SLC39A14: variants seen among roughly 807,000 people sequenced by gnomAD.
SLC39A14 encodes solute carrier family 39 member 14.
Under a neutral mutation model 45.5 loss-of-function variants are expected in SLC39A14, and 19 were observed. That is an observed-to-expected ratio of 0.42 (90% CI 0.29 to 0.61). The LOEUF (loss-of-function observed/expected upper bound fraction) is 0.61. Ranked by LOEUF, SLC39A14 falls within the 20% of genes least tolerant of loss-of-function variation. SLC39A14 has a pLI of 0.22. For missense variants in SLC39A14, 447 were observed against 616.5 expected (o/e 0.73, Z 2.91); for synonymous variants, 264 against 251.3 (o/e 1.05, Z -0.48).
chr8:22,423,445 C>T (rs1438758539), downstream of SLC39A14, among the ~76,000 whole-genome samples: 1 of 151,962 alleles, frequency 6.6e-6, no homozygotes, highest in Non-Finnish European at 1.5e-5. Context: ...ACGCCATTCT[C>T]CTGCTTCAGC....
intron 1 of SLC39A14, among the ~76,000 whole-genome samples, chr8:22,394,643 A>G (rs1228944725): frequency 6.6e-6 from 1 of 152,152 alleles, no homozygotes; most frequent in Admixed American, 6.5e-5. Flanking sequence ...TCTTATAGGA[A>G]GGGTTTTAAT....
At position 22,432,816 on chromosome 8, in the gene SLC39A14, TTG is replaced by T. The variant is rs1491056098; in HGVS notation, c.1333-1073_1333-1072del. Among the ~76,000 whole-genome samples the T allele has an allele frequency of 1.2e-3, 134 of 110,904 alleles. 6 individuals are homozygous for T. Among genetic ancestry groups the T allele is most frequent in the African/African-American group, 3.7e-3 (76 of 20,818 alleles). The allele number at this position is 110,904 out of a possible 152,430, so 72.8% of individuals were successfully genotyped here. On this transcript the variant is annotated intron_variant, in intron 8 of 8. Transcript: ENST00000240095. ...GCACCCGCCACAACACCCGGCTATT[TTG>T]TTTTTTTTTTTTTTTTGTAGAGATG...
At chr8:22,414,942 A>T (rs769368455) in intron 5 of SLC39A14, 40 bp downstream of exon 5, 29 of 1,603,268 alleles carry the variant, frequency 1.8e-5, no homozygotes, top group Admixed American at 3.5e-5. Context: ...CTTCTAGGGA[A>T]AACACCCATC....
chr8:22,403,424 C>T (rs944084630), intron 1 of SLC39A14, among the ~76,000 whole-genome samples: 31 of 151,706 alleles, frequency 2.0e-4, no homozygotes, highest in African/African-American at 6.3e-4. Flanking sequence ...GGATTACAGA[C>T]GTGCACCACC....
chr8:22,402,966 GTGTTTGTT>G (rs10676463), intron 1 of SLC39A14, among the ~76,000 whole-genome samples: 6 of 150,216 alleles, frequency 4.0e-5, no homozygotes, highest in African/African-American at 9.8e-5. Context: ...TTTAGTTATG[GTGTTTGTT>G]TGTTTGTTTG....
chr8:22,380,624 C>A (rs1416640080), intron 1 of SLC39A14, among the ~76,000 whole-genome samples: 1 of 152,002 alleles, frequency 6.6e-6, no homozygotes, highest in East Asian at 1.9e-4. Context: ...CCATCCCTCC[C>A]TGCAGCACCC....
chr8:22,431,747 A>G (rs1836470531), intron 8 of SLC39A14, among the ~76,000 whole-genome samples: 1 of 152,264 alleles, frequency 6.6e-6, no homozygotes, highest in Non-Finnish European at 1.5e-5. Flanking sequence ...GGGGGGATAC[A>G]AAATTCACCA....
At chr8:22,384,379 C>T (rs1387777478) in intron 1 of SLC39A14, among the ~76,000 whole-genome samples, 1 of 151,874 alleles carries the variant, frequency 6.6e-6, no homozygotes, top group Non-Finnish European at 1.5e-5. Flanking sequence ...GGGAGGCTGC[C>T]TGCCCGCCCG....
At chr8:22,415,606 A>G in intron 5 of SLC39A14, 163 bp from the exon 6 acceptor site, 1 of 642,178 alleles carries the variant, frequency 1.6e-6, no homozygotes, top group South Asian at 2.2e-5. Context: ...ATGGCTTTAT[A>G]TAATAGCTTT....
chr8:22,402,768 CAAA>C (rs754943496), intron 1 of SLC39A14, among the ~76,000 whole-genome samples: 2 of 82,672 alleles, frequency 2.4e-5, no homozygotes, highest in Admixed American at 1.3e-4. Context: ...GACTCCATTT[CAAA>C]AAAAAAAAAA....
chr8:22,431,866 C>T (rs1469697743), intron 8 of SLC39A14, among the ~76,000 whole-genome samples: 1 of 152,184 alleles, frequency 6.6e-6, no homozygotes, highest in Non-Finnish European at 1.5e-5. Flanking sequence ...AAGCAATGAA[C>T]TTAAACCTAA....
chr8:22,415,676 T>A (rs1215896404), intron 5 of SLC39A14, 93 bp from the exon 6 acceptor site: 4 of 1,188,452 alleles, frequency 3.4e-6, no homozygotes, highest in Non-Finnish European at 4.8e-6. Flanking sequence ...GCTGAGGTCT[T>A]CCAGTGTGTG....
intron 1 of SLC39A14, among the ~76,000 whole-genome samples, chr8:22,404,279 A>C (rs996867862): frequency 6.6e-6 from 1 of 151,962 alleles, no homozygotes; most frequent in Non-Finnish European, 1.5e-5. Flanking sequence ...GAAAAAAATT[A>C]GTTGGGTGTG....
chr8:22,382,634 T>C (rs1472383448), intron 1 of SLC39A14, among the ~76,000 whole-genome samples: 1 of 152,186 alleles, frequency 6.6e-6, no homozygotes, highest in Non-Finnish European at 1.5e-5. Flanking sequence ...ATCCGGGCAC[T>C]GCACTACAGC....
rs1331127048 is a variant in SLC39A14 at position 22,418,155 on chromosome 8, G to A, written c.1332+320G>A. Reference sequence around the variant, plus strand: ...CGGCCTCAGGTGATCCACCCGCCTCGGCATCCCAAAGTGCTGAGATTACAG... The same window carrying A: ...CGGCCTCAGGTGATCCACCCGCCTCAGCATCCCAAAGTGCTGAGATTACAG... On this transcript the variant is annotated intron_variant, in intron 8 of 8. Transcript: ENST00000381237. Among the ~76,000 whole-genome samples, 9 of 152,062 alleles carry A rather than the reference G, an allele frequency of 5.9e-5. No homozygotes were observed. In the South Asian group the frequency reaches 6.2e-4, roughly 11 times the overall value.
chr8:22,426,241 G>A (rs1327018247), downstream of SLC39A14, among the ~76,000 whole-genome samples: 3 of 151,866 alleles, frequency 2.0e-5, no homozygotes, highest in African/African-American at 7.3e-5. Context: ...TGTCACTCAG[G>A]CTAGAGTGCA....
At chr8:22,429,365 C>T (rs1414404546) in intron 8 of SLC39A14, among the ~76,000 whole-genome samples, 1 of 152,196 alleles carries the variant, frequency 6.6e-6, no homozygotes, top group Non-Finnish European at 1.5e-5. Context: ...TGATCTCTAA[C>T]ATGTTTAACC....
intron 1 of SLC39A14, among the ~76,000 whole-genome samples, chr8:22,373,691 T>G (rs961655904): frequency 2.8e-4 from 43 of 152,174 alleles, no homozygotes; most frequent in African/African-American, 1.0e-3. Context: ...TCGAGATCAC[T>G]TAGCTTAAAT....
chr8:22,428,288 ACT>A (rs1274356322), intron 8 of SLC39A14, among the ~76,000 whole-genome samples: 4 of 152,042 alleles, frequency 2.6e-5, no homozygotes, highest in African/African-American at 9.7e-5. Flanking sequence ...CAAGAGCGAA[ACT>A]CTGTCTCAAA....
Sources: gnomAD v4.1 joint callset for allele counts (sites outside exome capture counted in the v4.1 genomes callset) on GRCh38, gnomAD v4.1.1 for gene constraint, MANE v1.5 for transcripts, NCBI Gene and HGNC (gene_info 2026-07-23, HGNC 2026-07-21) for gene names.